CREB1: variants seen among roughly 807,000 people sequenced by gnomAD.
CREB1 encodes cAMP responsive element binding protein 1.
Under a neutral mutation model 42.0 loss-of-function variants are expected in CREB1, and 2 were observed. The observed-to-expected ratio is 0.05, with a 90% CI of 0.02 to 0.15. CREB1 has a LOEUF of 0.15. Ranked by LOEUF, CREB1 falls within the 10% of genes least tolerant of loss-of-function variation. The probability of loss-of-function intolerance (pLI) is 1.00; values close to 1 mark genes in which losing one functional copy is unlikely to be tolerated. For synonymous variants in CREB1, 123 were observed against 139.9 expected (o/e 0.88, Z 0.85); for missense variants, 199 against 388.9 (o/e 0.51, Z 4.11).
chr2:207,577,769 TC>T, intron 7 of CREB1, 114 bp downstream of exon 7: 1 of 1,299,326 alleles, frequency 7.7e-7, no homozygotes, highest in Non-Finnish European at 1.1e-6. Flanking sequence ...ATTTTTTTTT[TC>T]CAGCAGAATT....
At chr2:207,547,102 T>C (rs1372706001) in intron 1 of CREB1, among the ~76,000 whole-genome samples, 3 of 152,226 alleles carry the variant, frequency 2.0e-5, no homozygotes, top group Admixed American at 6.5e-5. Context: ...TCCTGTATTA[T>C]GACTCCTCCC....
At chr2:207,576,981 G>A (rs1166565279) in intron 6 of CREB1, 3 of 885,294 alleles carry the variant, frequency 3.4e-6, no homozygotes, top group Non-Finnish European at 2.7e-6. Context: ...TTGGCATCAA[G>A]TGATACACTT....
chr2:207,591,238 T>C (rs1284272040), intron 7 of CREB1, among the ~76,000 whole-genome samples: 1 of 152,244 alleles, frequency 6.6e-6, no homozygotes. Flanking sequence ...TTCATCCCTT[T>C]GTTCATTTCT....
At chr2:207,570,086 CTT>C in intron 4 of CREB1, 91 bp from the exon 5 acceptor site, 1 of 773,604 alleles carries the variant, frequency 1.3e-6, no homozygotes, top group Non-Finnish European at 2.0e-6. Flanking sequence ...GCACTAGCAG[CTT>C]TCTGTGAGTT....
chr2:207,560,773 A>G (rs1299562984), intron 3 of CREB1, among the ~76,000 whole-genome samples: 1 of 152,234 alleles, frequency 6.6e-6, no homozygotes, highest in Non-Finnish European at 1.5e-5. Context: ...CTTACCTAAG[A>G]TATTATTTGA....
chr2:207,548,771 C>A (rs568652906), intron 1 of CREB1, among the ~76,000 whole-genome samples: 10 of 151,982 alleles, frequency 6.6e-5, no homozygotes, highest in African/African-American at 2.4e-4. Flanking sequence ...CCCGCTCCCC[C>A]CCAAAAAGAT....
At chr2:207,557,501 T>C (rs1187988483) in intron 2 of CREB1, among the ~76,000 whole-genome samples, 2 of 152,042 alleles carry the variant, frequency 1.3e-5, no homozygotes, top group African/African-American at 2.4e-5. Flanking sequence ...GCTAACACAG[T>C]GAAGCCCGTC....
At position 207,601,729 on chromosome 2, in the gene CREB1, C is replaced by A. The variant is rs56129159; in HGVS notation, c.*4671C>A. On this transcript the variant is annotated 3_prime_UTR_variant, in exon 8 of 8. Transcript: ENST00000353267. ...TCATTTTTAATGGCTTTGTTAACAT[C>A]AAAGAAATGCTGCCTAAATTTGATT... 0.01 allele frequency: 2,163 copies of A among 214,502 alleles called. 16 individuals carry two copies. The highest frequency in any genetic ancestry group is 0.015 in the Non-Finnish European group (1,629 of 106,328). The allele number at this position is 214,502 out of a possible 1,614,324, so 13.3% of individuals were successfully genotyped here.
intron 5 of CREB1, among the ~76,000 whole-genome samples, chr2:207,570,670 A>G (rs1339433996): frequency 6.6e-6 from 1 of 152,138 alleles, no homozygotes; most frequent in Admixed American, 6.5e-5. Context: ...AAAAAAAATC[A>G]TTCCTTGAAT....
At chr2:207,576,138 C>T (rs1022630431) in intron 6 of CREB1, among the ~76,000 whole-genome samples, 8 of 150,262 alleles carry the variant, frequency 5.3e-5, no homozygotes, top group Non-Finnish European at 1.2e-4. Context: ...CAAATGAAAA[C>T]ATTATATTCC....
rs2087525583 is a variant in CREB1 at position 207,603,665 on chromosome 2, T to G, written c.*6607T>G. ...GTGCCTATTTGTGGATTTGGAGATG[T>G]TACTGTCAAGATGACTAATGGAGAC... On this transcript the variant is annotated 3_prime_UTR_variant, in exon 8 of 8. Coordinates refer to ENST00000353267, the MANE Select transcript of CREB1 (RefSeq NM_004379.5). Among the ~76,000 whole-genome samples, 1 of 152,160 alleles carries G rather than the reference T, an allele frequency of 6.6e-6. No homozygotes were observed. Among genetic ancestry groups the G allele is most frequent in the South Asian group, 2.1e-4 (1 of 4,820 alleles).
chr2:207,602,896 C>T lies in CREB1; in HGVS notation c.*5838C>T. ...CATGTCAGTTGTAACTCCCCCACTC[C>T]CTGCAAAAGGAATTATTTCTAACCC... On this transcript the variant is annotated 3_prime_UTR_variant, in exon 8 of 8. Coordinates refer to ENST00000353267, the MANE Select transcript of CREB1 (RefSeq NM_004379.5). 4.6e-6 allele frequency: 1 copy of T among 217,316 alleles called. No homozygotes were observed. The highest frequency in any genetic ancestry group is 9.3e-6 in the Non-Finnish European group (1 of 108,072). The allele number at this position is 217,316 out of a possible 1,614,324, so 13.5% of individuals were successfully genotyped here. A position where few individuals can be genotyped will look rare whatever the true frequency, so the allele number is the denominator to read the frequency against.
chr2:207,563,543 C>T (rs1250463358), intron 3 of CREB1, among the ~76,000 whole-genome samples: 1 of 152,110 alleles, frequency 6.6e-6, no homozygotes, highest in Non-Finnish European at 1.5e-5. Context: ...CTCAAATGCA[C>T]CTAGTTTTGT....
At chr2:207,555,945 TAAAC>T (rs1212230354) in intron 2 of CREB1, among the ~76,000 whole-genome samples, 196 bp downstream of exon 2, 5 of 152,202 alleles carry the variant, frequency 3.3e-5, no homozygotes, top group African/African-American at 1.2e-4. Context: ...AATGTATTAT[TAAAC>T]AATAATACAG....
At chr2:207,543,390 T>G (rs1347696993) in intron 1 of CREB1, among the ~76,000 whole-genome samples, 2 of 152,188 alleles carry the variant, frequency 1.3e-5, no homozygotes, top group East Asian at 3.9e-4. Flanking sequence ...TCTACCATAT[T>G]TGGGAAATTC....
chr2:207,592,492 C>A (rs2085245770), intron 7 of CREB1, among the ~76,000 whole-genome samples: 1 of 152,120 alleles, frequency 6.6e-6, no homozygotes, highest in Non-Finnish European at 1.5e-5. Context: ...TCCTTTTCTT[C>A]CTCTGCCTCT....
intron 5 of CREB1, among the ~76,000 whole-genome samples, chr2:207,573,100 C>T (rs1328363845): frequency 6.6e-6 from 1 of 152,160 alleles, no homozygotes; most frequent in East Asian, 1.9e-4. Flanking sequence ...ATTCTGGCAA[C>T]TCAGATTCTT....
chr2:207,592,242 C>A (rs1291878790), intron 7 of CREB1, among the ~76,000 whole-genome samples: 1 of 151,896 alleles, frequency 6.6e-6, no homozygotes, highest in Non-Finnish European at 1.5e-5. Context: ...CCTCTCTCTA[C>A]TAAAAATACA....
chr2:207,557,442 GGA>G (rs2081774173), intron 2 of CREB1, among the ~76,000 whole-genome samples: 1 of 152,152 alleles, frequency 6.6e-6, no homozygotes, highest in South Asian at 2.1e-4. Flanking sequence ...CCACACTTTG[GGA>G]GGCCGAGGCA....
Sources: allele counts gnomAD v4.1 joint callset (sites outside exome capture counted in the v4.1 genomes callset), GRCh38; gene constraint gnomAD v4.1.1; transcripts MANE v1.5; gene names NCBI Gene and HGNC (gene_info 2026-07-23, HGNC 2026-07-21).